Variants in PRMT8 observed in about 807,000 individuals in gnomAD.
The protein encoded by PRMT8 is protein arginine N-methyltransferase 8.
Under a neutral mutation model 47.1 loss-of-function variants are expected in PRMT8, and 7 were observed. That is an observed-to-expected ratio of 0.15 (90% CI 0.08 to 0.28). PRMT8 has a LOEUF of 0.28. Among genes scored for constraint, PRMT8 ranks in the 10% least tolerant of loss-of-function variants. The pLI is 1.00. For missense variants in PRMT8, 237 were observed against 505.4 expected (o/e 0.47, Z 5.09); for synonymous variants, 188 against 186.5 (o/e 1.01, Z -0.07).
chr12:3,472,484 C>G (rs369628833), intron 1 of PRMT8, among the ~76,000 whole-genome samples: 2 of 152,200 alleles, frequency 1.3e-5, no homozygotes, highest in African/African-American at 4.8e-5. Context: ...CTTTGAATCC[C>G]GGCTCTGCCG....
rs74057443 is a variant in PRMT8, at chr12:3,470,830, C to T, written c.49-69776C>T. ...ACACTCAGGCGATTTCACCTAAGGT[C>T]CCCACTTGCTGCAAGCTCTGGGACA... On this transcript the variant is annotated intron_variant, in intron 1 of 9. Coordinates refer to the PRMT8 transcript ENST00000452611. Among the ~76,000 whole-genome samples, 75 of 152,306 alleles carry T rather than the reference C, an allele frequency of 4.9e-4. 1 individual carries two copies. The highest frequency in any genetic ancestry group is 1.8e-3 in the African/African-American group (74 of 41,560).
intron 7 of PRMT8, among the ~76,000 whole-genome samples, chr12:3,578,263 C>T (rs1460231629): frequency 1.3e-5 from 2 of 152,262 alleles, no homozygotes; most frequent in Admixed American, 1.3e-4. Context: ...CTTTCTCTCT[C>T]TGTCACCCAG....
intron 7 of PRMT8, among the ~76,000 whole-genome samples, chr12:3,582,775 TC>T (rs1867092191): frequency 6.6e-6 from 1 of 152,066 alleles, no homozygotes; most frequent in Non-Finnish European, 1.5e-5. Context: ...TTCCCCATCA[TC>T]CCCCTGTAGC....
rs182151460 is a variant in PRMT8, at chr12:3,390,169, T to A, written c.48+8727T>A. Among the ~76,000 whole-genome samples, 201 of 152,382 alleles carry A rather than the reference T, an allele frequency of 1.3e-3. 1 individual carries two copies. The highest frequency in any genetic ancestry group is 4.5e-3 in the African/African-American group (186 of 41,596). Reference sequence around the variant, plus strand: ...TCCAGCTGCAGGAGGCCCTGTGATCTTCCCACTTGCTGCTCAGTACACTGC... The same window carrying A: ...TCCAGCTGCAGGAGGCCCTGTGATCATCCCACTTGCTGCTCAGTACACTGC... On this transcript the variant is annotated intron_variant, in intron 1 of 9. Coordinates refer to the PRMT8 transcript ENST00000452611.
Position 3,593,245 on chromosome 12 carries a change from TC to T in PRMT8, c.*66del. On this transcript the variant is annotated 3_prime_UTR_variant, in exon 10 of 10. Transcript: ENST00000382622. This position sits in a 1 kb window ranked among gnomAD's most constrained non-coding sequence, Gnocchi z 4.8. ...ACTCTCACCTCGATCTGCCGTGCCG[TC>T]CCAAAGAATACCGTTTGCAGGACTA... 7.3e-7 allele frequency: 1 copy of T among 1,373,350 alleles called. No individual in the cohort carries two copies. The highest frequency in any genetic ancestry group is 1.0e-6 in the Non-Finnish European group (1 of 975,756). The allele number at this position is 1,373,350 out of a possible 1,614,324, so 85.1% of individuals were successfully genotyped here.
intron 1 of PRMT8, among the ~76,000 whole-genome samples, chr12:3,410,759 G>A (rs528199170): frequency 1.8e-4 from 27 of 152,218 alleles, no homozygotes; most frequent in South Asian, 4.2e-4. Context: ...CACCCGCCTC[G>A]GCCTCCCAAA....
Position 3,592,300 on chromosome 12 carries a change from G to T in PRMT8, c.1049G>T (p.Arg350Met), listed in dbSNP as rs781574168. The change falls in exon 9 of 10, where the codon AGG becomes ATG. Residue 350 changes from arginine (R) to methionine (M), a missense_variant. This residue lies in a region of PRMT8 where 151 missense variants were observed against 341.1 expected (regional missense o/e 0.44). Transcript: ENST00000382622. ...TTGGAAGATTACCTCACTGTCCGGAGGGGGGAGGAAATCTACGGGACCATA... is the reference window on the plus strand; with the variant it reads ...TTGGAAGATTACCTCACTGTCCGGATGGGGGAGGAAATCTACGGGACCATA... ...FYLEDYLTVR[R>M]GEEIYGTISM... 6 of 1,598,878 alleles carry T rather than the reference G, an allele frequency of 3.8e-6. No individual in the cohort carries two copies. The South Asian group carries it at 4.6e-5, about 12-fold the overall frequency.
At chr12:3,442,772 C>T (rs1390494803) in intron 1 of PRMT8, among the ~76,000 whole-genome samples, 3 of 152,176 alleles carry the variant, frequency 2.0e-5, no homozygotes, top group South Asian at 2.1e-4. Flanking sequence ...GATTCTCCTG[C>T]GTCAGCCTCC....
intron 1 of PRMT8, among the ~76,000 whole-genome samples, chr12:3,499,362 C>A (rs1195950744): frequency 1.1e-5 from 1 of 90,650 alleles, no homozygotes; most frequent in Non-Finnish European, 2.1e-5. Context: ...CCGACCCCAC[C>A]ACAGTCCCCA....
At position 3,427,797 on chromosome 12, in the gene PRMT8, A is replaced by G. The variant is rs1202598281; in HGVS notation, c.48+46355A>G. Among the ~76,000 whole-genome samples, 3 of 152,122 alleles carry G rather than the reference A, an allele frequency of 2.0e-5. No homozygotes were observed. In the South Asian group the frequency reaches 6.2e-4, roughly 32 times the overall value. On this transcript the variant is annotated intron_variant, in intron 1 of 9. Coordinates refer to the PRMT8 transcript ENST00000452611. Reference sequence around the variant, plus strand: ...TTATTTCAGGACAAGAATTTACCATATAACTTTTTTTTACATAAATTCTGC... The same window carrying G: ...TTATTTCAGGACAAGAATTTACCATGTAACTTTTTTTTACATAAATTCTGC...
intron 1 of PRMT8, among the ~76,000 whole-genome samples, chr12:3,531,007 C>T (rs1866022646): frequency 6.6e-6 from 1 of 152,152 alleles, no homozygotes; most frequent in African/African-American, 2.4e-5. Flanking sequence ...AGTCCAGAAC[C>T]CACCGGTGCT....
chr12:3,418,238 A>G (rs1374924062), intron 1 of PRMT8, among the ~76,000 whole-genome samples: 2 of 152,182 alleles, frequency 1.3e-5, no homozygotes, highest in East Asian at 3.9e-4. Flanking sequence ...CCATTTCTCA[A>G]CTGCAAACAC....
At chr12:3,484,711 C>T (rs1023611656) in intron 1 of PRMT8, among the ~76,000 whole-genome samples, 2 of 152,214 alleles carry the variant, frequency 1.3e-5, no homozygotes, top group African/African-American at 4.8e-5. Context: ...TGTTAAACGC[C>T]TCCTTCATCT....
chr12:3,459,577 A>G (rs978124805), intron 1 of PRMT8, among the ~76,000 whole-genome samples: 2 of 152,176 alleles, frequency 1.3e-5, no homozygotes, highest in African/African-American at 4.8e-5. Context: ...TGCAAACACT[A>G]TGCCAAAATT....
Position 3,572,715 on chromosome 12 carries a change from G to T in PRMT8, c.712+3151G>T, listed in dbSNP as rs1227289382. On this transcript the variant is annotated intron_variant, in intron 6 of 9. Coordinates refer to ENST00000382622, the MANE Select transcript of PRMT8 (RefSeq NM_019854.5). The surrounding 1 kb of genome is among the most constrained non-coding windows in gnomAD (Gnocchi z 5.9). Reference sequence around the variant, plus strand: ...GTAAACACTTTCCCTTCTGCACAGAGGAGAATCTGTAAGTAGCATCTGGTG... The same window carrying T: ...GTAAACACTTTCCCTTCTGCACAGATGAGAATCTGTAAGTAGCATCTGGTG... Among the ~76,000 whole-genome samples the T allele has an allele frequency of 6.6e-6, 1 of 152,220 alleles. No homozygotes were observed. Among genetic ancestry groups the T allele is most frequent in the Non-Finnish European group, 1.5e-5 (1 of 68,040 alleles).
intron 7 of PRMT8, among the ~76,000 whole-genome samples, chr12:3,577,260 G>A (rs1318836385): frequency 1.3e-5 from 2 of 152,236 alleles, no homozygotes; most frequent in Admixed American, 6.5e-5. Context: ...AGGGAAGAGA[G>A]GGGCATTGCA....
intron 1 of PRMT8, among the ~76,000 whole-genome samples, chr12:3,526,314 A>G (rs1298825244): frequency 1.3e-5 from 2 of 152,220 alleles, no homozygotes; most frequent in Non-Finnish European, 2.9e-5. Context: ...GAGAAATGCT[A>G]TGTGAACGTG....
intron 1 of PRMT8, among the ~76,000 whole-genome samples, chr12:3,430,948 G>A (rs1279904956): frequency 6.6e-6 from 1 of 152,236 alleles, no homozygotes; most frequent in African/African-American, 2.4e-5. Flanking sequence ...CTTGGGAAGA[G>A]TTTCAAGCCA....
rs1029629471 is a variant in PRMT8 at position 3,453,488 on chromosome 12, C to T, written c.48+72046C>T. ...GGAGGCTACTGCTGCTGGGACTGTGCGGTGCCGTAGGACATGATTTCTGAC... is the reference window on the plus strand; with the variant it reads ...GGAGGCTACTGCTGCTGGGACTGTGTGGTGCCGTAGGACATGATTTCTGAC... On this transcript the variant is annotated intron_variant, in intron 1 of 9. Transcript: ENST00000452611. This position sits in a 1 kb window ranked among gnomAD's most constrained non-coding sequence, Gnocchi z 4.9. Among the ~76,000 whole-genome samples the T allele has an allele frequency of 2.0e-5, 3 of 152,144 alleles. No homozygotes were observed. Among genetic ancestry groups the T allele is most frequent in the South Asian group, 2.1e-4 (1 of 4,820 alleles).
Sources: gnomAD v4.1 joint callset for allele counts (sites outside exome capture counted in the v4.1 genomes callset) on GRCh38, gnomAD v4.1.1 for gene constraint, gnomAD v4.1.1 regional missense constraint, Gnocchi (gnomAD v3.1) non-coding constraint, MANE v1.5 for transcripts, NCBI Gene and HGNC (gene_info 2026-07-23, HGNC 2026-07-21) for gene names.